Variants in RXRB observed in about 807,000 individuals in gnomAD.
RXRB encodes retinoic acid receptor RXR-beta.
RXRB carries 18 observed loss-of-function variants against 52.5 expected under a neutral mutation model. The observed-to-expected ratio is 0.34, with a 90% confidence interval of 0.24 to 0.51. RXRB has a LOEUF of 0.51. Among genes scored for constraint, RXRB ranks in the 20% least tolerant of loss-of-function variants. RXRB has a pLI of 0.97. For synonymous variants in RXRB, 233 were observed against 267.1 expected (o/e 0.87, Z 1.25); for missense variants, 455 against 698.2 (o/e 0.65, Z 3.92).
Position 33,195,960 on chromosome 6 carries a change from A to C in RXRB, c.1070T>G (p.Ile357Ser). The change falls in exon 6 of 10, where the codon ATC becomes AGC. Residue 357 changes from isoleucine (I) to serine (S), a missense_variant. Physicochemically the swap from Ile to Ser is moderately radical, Grantham distance 142 (BLOSUM62 -2). Coordinates refer to ENST00000374680, the MANE Select transcript of RXRB (RefSeq NM_021976.5). The surrounding 1 kb of genome is among the most constrained non-coding windows in gnomAD (Gnocchi z 8.6). Reference protein sequence around the residue: ...LFTLVEWAKRIPHFSSLPLDD... With the variant: ...LFTLVEWAKRSPHFSSLPLDD... ...CAGAGGCAAGGAGGAAAAGTGTGGG[A>C]TCCTCTTCGCCCACTCAACAAGCGT... is the stretch of plus-strand genomic sequence containing the variant. 1 of 1,613,046 alleles carries C rather than the reference A, an allele frequency of 6.2e-7. No individual in the cohort carries two copies. The highest frequency in any genetic ancestry group is 8.5e-7 in the Non-Finnish European group (1 of 1,180,026).
rs186981565 is a variant in RXRB, at chr6:33,194,673, G to C, written c.*9C>G. 8.7e-6 allele frequency: 14 copies of C among 1,612,282 alleles called. No homozygotes were observed. In the East Asian group the frequency reaches 2.9e-4, roughly 33 times the overall value. On this transcript the variant is annotated 3_prime_UTR_variant, in exon 10 of 10. Coordinates refer to ENST00000374680, the MANE Select transcript of RXRB (RefSeq NM_021976.5). This position sits in a 1 kb window ranked among gnomAD's most constrained non-coding sequence, Gnocchi z 4.1. ...TCCAGTGTGAGAAGCACCACGTCTG[G>C]GTCTGAGCTCAGGCCAGTTGATGGG...
Position 33,200,050 on chromosome 6 carries a change from T to C in RXRB, c.235+192A>G. 1.1e-6 allele frequency: 1 copy of C among 877,854 alleles called. No homozygotes were observed. The highest frequency in any genetic ancestry group is 1.9e-6 in the Non-Finnish European group (1 of 521,734). The allele number at this position is 877,854 out of a possible 1,614,324, so 54.4% of individuals were successfully genotyped here. ...GCCCAAGGCCTCAAGCGGTCACAGCTAGGAGGGCGGAAGCTCCCCTTCCCC... is the reference window on the plus strand; with the variant it reads ...GCCCAAGGCCTCAAGCGGTCACAGCCAGGAGGGCGGAAGCTCCCCTTCCCC... On this transcript the variant is annotated intron_variant, in intron 1 of 9. Coordinates refer to ENST00000374680, the MANE Select transcript of RXRB (RefSeq NM_021976.5). This position sits in a 1 kb window ranked among gnomAD's most constrained non-coding sequence, Gnocchi z 6.3.
chr6:33,200,236 A>T lies in RXRB; in HGVS notation c.235+6T>A. On this transcript the variant is annotated splice_donor_region_variant and intron_variant, in intron 1 of 9. Transcript: ENST00000374680. The surrounding 1 kb of genome is among the most constrained non-coding windows in gnomAD (Gnocchi z 6.3). ...GGCTCGCCTGCCCTTCTGCTGGGGC[A>T]CTCACCCCGCCCGCTGTCGCCCATC... is the stretch of plus-strand genomic sequence containing the variant. 1 of 1,604,404 alleles carries T rather than the reference A, an allele frequency of 6.2e-7. No homozygotes were observed. Among genetic ancestry groups the T allele is most frequent in the South Asian group, 1.1e-5 (1 of 90,604 alleles).
chr6:33,195,096 A>G lies in RXRB; in HGVS notation c.1349-46T>C. ...GGAGGAAGAGAAATGAAGACAAACC[A>G]AATCAGGATGGCCATGCAGATGTGA... On this transcript the variant is annotated intron_variant, in intron 8 of 9. Coordinates refer to ENST00000374680, the MANE Select transcript of RXRB (RefSeq NM_021976.5). This position sits in a 1 kb window ranked among gnomAD's most constrained non-coding sequence, Gnocchi z 8.6. 2 of 1,382,952 alleles carry G rather than the reference A, an allele frequency of 1.4e-6. No homozygotes were observed. The highest frequency in any genetic ancestry group is 2.1e-6 in the Non-Finnish European group (2 of 971,932). 85.7% of individuals were successfully genotyped at this position (1,382,952 alleles called of 1,614,324 possible). A position where few individuals can be genotyped will look rare whatever the true frequency, so the allele number is the denominator to read the frequency against.
rs1773994983 is a variant in RXRB, at chr6:33,197,412, G to A, written c.820+350C>T. Among the ~76,000 whole-genome samples, 1 of 152,212 alleles carries A rather than the reference G, an allele frequency of 6.6e-6. No individual in the cohort carries two copies. The highest frequency in any genetic ancestry group is 2.1e-4 in the South Asian group (1 of 4,830). The stretch of plus-strand genomic sequence containing the variant: ...GCCCAGTCCCAGGAGTTAGAGGAAA[G>A]ATCACAGATAACAGGAGACAGAGAC... On this transcript the variant is annotated intron_variant, in intron 4 of 9. Transcript: ENST00000374680. This position sits in a 1 kb window ranked among gnomAD's most constrained non-coding sequence, Gnocchi z 4.4.
chr6:33,197,991 A>G lies in RXRB; in HGVS notation c.641-50T>C. 1.3e-6 allele frequency: 2 copies of G among 1,565,538 alleles called. No homozygotes were observed. Among genetic ancestry groups the G allele is most frequent in the Non-Finnish European group, 1.7e-6 (2 of 1,146,020 alleles). On this transcript the variant is annotated intron_variant, in intron 3 of 9. Coordinates refer to ENST00000374680, the MANE Select transcript of RXRB (RefSeq NM_021976.5). The surrounding 1 kb of genome is among the most constrained non-coding windows in gnomAD (Gnocchi z 4.4). ...AAGAAGGTTGCATGGAGACACCTTC[A>G]CCATTTAGTCTGTTTCCAATCTCCC...
chr6:33,195,508 A>C lies in RXRB; in HGVS notation c.1257-54T>G. On this transcript the variant is annotated intron_variant, in intron 7 of 9. Transcript: ENST00000374680. This position sits in a 1 kb window ranked among gnomAD's most constrained non-coding sequence, Gnocchi z 8.6. ...GGTCACAGCTCAGCCAGCCTTGGAC[A>C]CGGACCAGCCTATAGCCCCACCCCC... 1.9e-6 allele frequency: 3 copies of C among 1,612,828 alleles called. No homozygotes were observed. The highest frequency in any genetic ancestry group is 2.5e-6 in the Non-Finnish European group (3 of 1,179,806).
At position 33,197,135 on chromosome 6, in the gene RXRB, A is replaced by G. The variant is rs917169194; in HGVS notation, c.821-529T>C. On this transcript the variant is annotated intron_variant, in intron 4 of 9. Transcript: ENST00000374680. The surrounding 1 kb of genome is among the most constrained non-coding windows in gnomAD (Gnocchi z 4.4). ...TGCTCTTCTGACTCAACAAATAGGC[A>G]GTGAAAGGAGCACTGGCCTAGGTCT... 1.3e-5 allele frequency among the ~76,000 whole-genome samples: 2 copies of G among 152,344 alleles called. No homozygotes were observed. The highest frequency in any genetic ancestry group is 4.1e-4 in the South Asian group (2 of 4,826).
chr6:33,196,024 C>G lies in RXRB; in HGVS notation c.1006G>C (p.Val336Leu). 6.2e-7 allele frequency: 1 copy of G among 1,613,030 alleles called. No individual in the cohort carries two copies. The highest frequency in any genetic ancestry group is 8.5e-7 in the Non-Finnish European group (1 of 1,180,030). The change falls in exon 6 of 10, where the codon GTG becomes CTG. Residue 336 changes from valine to leucine, a missense_variant. Val to Leu is a conservative substitution (Grantham distance 32). Around this residue, in one of 4 missense-constraint regions of RXRB, gnomAD observed 115 missense variants for 253.1 expected, o/e 0.45. Coordinates refer to ENST00000374680, the MANE Select transcript of RXRB (RefSeq NM_021976.5). This position sits in a 1 kb window ranked among gnomAD's most constrained non-coding sequence, Gnocchi z 4.0. ...TCAGCTGCCTGACAGATGTTAGTCA[C>G]AGGGTCATTTGGCTGCAGGGGACGG... Reference protein sequence around the residue: ...GGSGSSPNDPVTNICQAADKQ... With the variant: ...GGSGSSPNDPLTNICQAADKQ...
Position 33,198,913 on chromosome 6 carries a change from CAAAAA to C in RXRB, c.483+251_483+255del, listed in dbSNP as rs9280361. Among the ~76,000 whole-genome samples the C allele has an allele frequency of 2.5e-3, 188 of 74,104 alleles. 3 individuals are homozygous for C. In the South Asian group the frequency reaches 0.05, roughly 20 times the overall value. 48.6% of individuals were successfully genotyped at this position (74,104 alleles called of 152,430 possible). On this transcript the variant is annotated intron_variant, in intron 2 of 9. Coordinates refer to ENST00000374680, the MANE Select transcript of RXRB (RefSeq NM_021976.5). Reference sequence around the variant, plus strand: ...TGGGCAACAGAGCAAGACTCCATCTCAAAAAAAAAAAAAAAAAAAAACACACACAC... The same window carrying C: ...TGGGCAACAGAGCAAGACTCCATCTCAAAAAAAAAAAAAAAACACACACAC...
Position 33,196,662 on chromosome 6 carries a change from G to T in RXRB, c.821-56C>A, listed in dbSNP as rs1408169304. 10 of 1,462,800 alleles carry T rather than the reference G, an allele frequency of 6.8e-6. No individual in the cohort carries two copies. The South Asian group carries it at 9.0e-5, about 13-fold the overall frequency. 90.6% of individuals were successfully genotyped at this position (1,462,800 alleles called of 1,614,324 possible). A position where few individuals can be genotyped will look rare whatever the true frequency, so the allele number is the denominator to read the frequency against. On this transcript the variant is annotated intron_variant, in intron 4 of 9. Transcript: ENST00000374680. This position sits in a 1 kb window ranked among gnomAD's most constrained non-coding sequence, Gnocchi z 4.0. ...AAAGTCAGCAGCCAGCCATGAAGGG[G>T]TTCCACAAATATCCTTACGGCCTCA...
Position 33,200,649 on chromosome 6 carries a change from ATC to A in RXRB, c.-175_-174del. 6.6e-7 allele frequency: 1 copy of A among 1,523,560 alleles called. No homozygotes were observed. Among genetic ancestry groups the A allele is most frequent in the South Asian group, 1.2e-5 (1 of 80,434 alleles). 94.4% of individuals were successfully genotyped at this position (1,523,560 alleles called of 1,614,324 possible). A position where few individuals can be genotyped will look rare whatever the true frequency, so the allele number is the denominator to read the frequency against. On this transcript the variant is annotated 5_prime_UTR_variant, in exon 1 of 10. It adds an upstream start codon to the 5' untranslated region. Coordinates refer to ENST00000374680, the MANE Select transcript of RXRB (RefSeq NM_021976.5). The surrounding 1 kb of genome is among the most constrained non-coding windows in gnomAD (Gnocchi z 6.3). ...AAATGACAGCGCCAATGTGGCAGCCATCTTTGTACAGACGGGAAGTCTCGGCG... is the reference window on the plus strand; with the variant it reads ...AAATGACAGCGCCAATGTGGCAGCCATTTGTACAGACGGGAAGTCTCGGCG...
chr6:33,195,213 C>A lies in RXRB; in HGVS notation c.1348+150G>T. The A allele has an allele frequency of 1.3e-6, 1 of 761,546 alleles. No individual in the cohort carries two copies. The highest frequency in any genetic ancestry group is 2.3e-6 in the Non-Finnish European group (1 of 444,208). The allele number at this position is 761,546 out of a possible 1,614,324, so 47.2% of individuals were successfully genotyped here. A position where few individuals can be genotyped will look rare whatever the true frequency, so the allele number is the denominator to read the frequency against. On this transcript the variant is annotated intron_variant, in intron 8 of 9. Transcript: ENST00000374680. The surrounding 1 kb of genome is among the most constrained non-coding windows in gnomAD (Gnocchi z 8.6). ...GGCCCACTGGGTTTGTGGGATGGAT[C>A]CGTGGATGTGGGTTTTTCCTCGGCC...
In RXRB at chr6:33,200,351, C is replaced by A; in HGVS notation, c.126G>T (p.Trp42Cys). ...CCGCCGCCGCCGCTGCGGGATCCAG[C>A]CAGGGCCGTCGCCGCCGCCACCGGG... ...VASRWRRRRP[W>C]LDPAAAAAAA... Residue 42 changes from tryptophan (W) to cysteine (C), a missense_variant, in exon 1 of 10, where the codon TGG becomes TGT. Trp to Cys is a radical substitution (Grantham distance 215). Coordinates refer to ENST00000374680, the MANE Select transcript of RXRB (RefSeq NM_021976.5). The surrounding 1 kb of genome is among the most constrained non-coding windows in gnomAD (Gnocchi z 6.3). 8 of 1,574,186 alleles carry A rather than the reference C, an allele frequency of 5.1e-6. No individual in the cohort carries two copies. The highest frequency in any genetic ancestry group is 6.9e-6 in the Non-Finnish European group (8 of 1,162,812).
chr6:33,194,645 T>C lies in RXRB; in HGVS notation c.*37A>G. On this transcript the variant is annotated 3_prime_UTR_variant, in exon 10 of 10. Transcript: ENST00000374680. The surrounding 1 kb of genome is among the most constrained non-coding windows in gnomAD (Gnocchi z 4.1). ...CTTGGAGTCCCTCTTGGATGTGTGCTCCTCCAGTGTGAGAAGCACCACGTC... is the reference window on the plus strand; with the variant it reads ...CTTGGAGTCCCTCTTGGATGTGTGCCCCTCCAGTGTGAGAAGCACCACGTC... 1 of 1,604,010 alleles carries C rather than the reference T, an allele frequency of 6.2e-7. No homozygotes were observed. The highest frequency in any genetic ancestry group is 8.5e-7 in the Non-Finnish European group (1 of 1,175,286).
In RXRB at chr6:33,200,619, T is replaced by C; in HGVS notation, c.-143A>G. On this transcript the variant is annotated 5_prime_UTR_variant, in exon 1 of 10. Coordinates refer to ENST00000374680, the MANE Select transcript of RXRB (RefSeq NM_021976.5). The surrounding 1 kb of genome is among the most constrained non-coding windows in gnomAD (Gnocchi z 6.3). ...GAATTAAGCCCGTCGCTCTGCTCAGTACCAAAATGACAGCGCCAATGTGGC... is the reference window on the plus strand; with the variant it reads ...GAATTAAGCCCGTCGCTCTGCTCAGCACCAAAATGACAGCGCCAATGTGGC... The C allele has an allele frequency of 6.6e-7, 1 of 1,507,066 alleles. No individual in the cohort carries two copies. The highest frequency in any genetic ancestry group is 2.5e-5 in the East Asian group (1 of 40,666). 93.4% of individuals were successfully genotyped at this position (1,507,066 alleles called of 1,614,324 possible). A position where few individuals can be genotyped will look rare whatever the true frequency, so the allele number is the denominator to read the frequency against.
chr6:33,199,681 A>T (rs934338046), intron 1 of RXRB: 1 of 473,040 alleles, frequency 2.1e-6, no homozygotes, highest in African/African-American at 1.9e-5. Flanking sequence ...CCACTGCTAT[A>T]TTTGACTGGC....
rs1474762938 is a variant in RXRB, at chr6:33,196,919, T to A, written c.821-313A>T. 7.2e-5 allele frequency among the ~76,000 whole-genome samples: 11 copies of A among 152,166 alleles called. No homozygotes were observed. The highest frequency in any genetic ancestry group is 2.1e-4 in the South Asian group (1 of 4,826). On this transcript the variant is annotated intron_variant, in intron 4 of 9. Transcript: ENST00000374680. The surrounding 1 kb of genome is among the most constrained non-coding windows in gnomAD (Gnocchi z 4.0). Reference sequence around the variant, plus strand: ...AGCTGATTGAAAAAAAAAATTTTTTTAAATAAAATATGCCAAGAAACATGC... The same window carrying A: ...AGCTGATTGAAAAAAAAAATTTTTTAAAATAAAATATGCCAAGAAACATGC...
Position 33,195,097 on chromosome 6 carries a change from A to AATC in RXRB, c.1349-50_1349-48dup. On this transcript the variant is annotated intron_variant, in intron 8 of 9. Transcript: ENST00000374680. The surrounding 1 kb of genome is among the most constrained non-coding windows in gnomAD (Gnocchi z 8.6). ...GAGGAAGAGAAATGAAGACAAACCA[A>AATC]ATCAGGATGGCCATGCAGATGTGAG... 1 of 1,365,488 alleles carries AATC rather than the reference A, an allele frequency of 7.3e-7. No homozygotes were observed. Among genetic ancestry groups the AATC allele is most frequent in the Non-Finnish European group, 1.0e-6 (1 of 956,154 alleles). The allele number at this position is 1,365,488 out of a possible 1,614,324, so 84.6% of individuals were successfully genotyped here.
Sources: allele counts gnomAD v4.1 joint callset (sites outside exome capture counted in the v4.1 genomes callset), GRCh38; gene constraint gnomAD v4.1.1; regional missense constraint gnomAD v4.1.1; non-coding constraint Gnocchi (gnomAD v3.1); transcripts MANE v1.5; gene names NCBI Gene and HGNC (gene_info 2026-07-23, HGNC 2026-07-21).